PHF19: variants seen among roughly 807,000 people sequenced by gnomAD.
The protein encoded by PHF19 is polycomb like 3.
PHF19 carries 21 observed loss-of-function variants against 79.8 expected under a neutral mutation model. That is an observed-to-expected ratio of 0.26 (90% CI 0.19 to 0.38). The LOEUF is 0.38. Among genes scored for constraint, PHF19 ranks in the 10% least tolerant of loss-of-function variants. PHF19 has a pLI of 1.00. For synonymous variants in PHF19, 273 were observed against 296.3 expected (o/e 0.92, Z 0.81); for missense variants, 445 against 744.2 (o/e 0.60, Z 4.68).
intron 1 of PHF19, among the ~76,000 whole-genome samples, chr9:120,883,017 G>T (rs1366353951): frequency 2.6e-5 from 4 of 152,108 alleles, no homozygotes; most frequent in Non-Finnish European, 5.9e-5. Context: ...CAGCATGGAG[G>T]TGTAGAGAGT....
At chr9:120,884,247 T>G (rs939834989) in intron 1 of PHF19, among the ~76,000 whole-genome samples, 1 of 152,232 alleles carries the variant, frequency 6.6e-6, no homozygotes, top group Non-Finnish European at 1.5e-5. Flanking sequence ...TATAGTTAAT[T>G]AAAGATACCT....
In PHF19 at chr9:120,866,747, G is replaced by A. The variant is rs574860133; in HGVS notation, c.710+123C>T. The A allele has an allele frequency of 7.7e-5, 51 of 661,650 alleles. No homozygotes were observed. The highest frequency in any genetic ancestry group is 1.8e-4 in the Admixed American group (8 of 44,018). 41.0% of individuals were successfully genotyped at this position (661,650 alleles called of 1,614,324 possible). On this transcript the variant is annotated intron_variant, in intron 7 of 14. Coordinates refer to ENST00000373896, the MANE Select transcript of PHF19 (RefSeq NM_015651.3). The surrounding 1 kb of genome is among the most constrained non-coding windows in gnomAD (Gnocchi z 5.2). The stretch of plus-strand genomic sequence containing the variant: ...TGAGCTGCCTCCAGTAAACAGGTAG[G>A]CATACATTGTCACAGACCTCCTCTT...
intron 3 of PHF19, among the ~76,000 whole-genome samples, chr9:120,873,632 C>T (rs1213527843): frequency 6.6e-6 from 1 of 152,220 alleles, no homozygotes; most frequent in Non-Finnish European, 1.5e-5. Flanking sequence ...CTTTTCTAGC[C>T]CAGACTGACG....
rs1046405863 is a variant in PHF19, at chr9:120,862,258, G to GC, written c.1131-254dup. On this transcript the variant is annotated intron_variant, in intron 11 of 14. Transcript: ENST00000373896. The surrounding 1 kb of genome is among the most constrained non-coding windows in gnomAD (Gnocchi z 4.6). Reference sequence around the variant, plus strand: ...CCAGGCACATGCATCCAGATGCCCTGCCCCCCAGTGCCAGGATGAGGGGGC... The same window carrying GC: ...CCAGGCACATGCATCCAGATGCCCTGCCCCCCCAGTGCCAGGATGAGGGGGC... 5.9e-5 allele frequency among the ~76,000 whole-genome samples: 9 copies of GC among 152,178 alleles called. No individual in the cohort carries two copies. The highest frequency in any genetic ancestry group is 1.3e-4 in the Non-Finnish European group (9 of 68,032).
chr9:120,861,804 T>A lies in PHF19; in HGVS notation c.1218+114A>T, dbSNP rs190498442. ...TAGCTGTAATAGGGACTGGCTTCTT[T>A]AAGGGACATGAGAGAGTCCTCTGGG... On this transcript the variant is annotated intron_variant, in intron 12 of 14. Transcript: ENST00000373896. 58 of 780,698 alleles carry A rather than the reference T, an allele frequency of 7.4e-5. No individual in the cohort carries two copies. In the East Asian group the frequency reaches 1.4e-3, roughly 18 times the overall value. The allele number at this position is 780,698 out of a possible 1,614,324, so 48.4% of individuals were successfully genotyped here.
In PHF19 at chr9:120,860,107, G is replaced by A. The variant is rs1420267420; in HGVS notation, c.1383C>T (p.Ser461=). ...AASTSGSAST[S]LSYDSRWTVG... ...AAGCTCACCTGGAGTCATAGGAGAG[G>A]CTGGTGGAGGCAGAGCCAGAGGTGC... Residue 461 remains serine (S), a synonymous_variant, in exon 14 of 15, where the codon AGC becomes AGT. Coordinates refer to ENST00000373896, the MANE Select transcript of PHF19 (RefSeq NM_015651.3). This position sits in a 1 kb window ranked among gnomAD's most constrained non-coding sequence, Gnocchi z 4.1. The A allele has an allele frequency of 6.3e-7, 1 of 1,589,390 alleles. No homozygotes were observed. Among genetic ancestry groups the A allele is most frequent in the Non-Finnish European group, 8.6e-7 (1 of 1,164,126 alleles).
rs79701340 is a variant in PHF19 at position 120,889,573 on chromosome 9, T to C, written c.42+5215A>G. The stretch of plus-strand genomic sequence containing the variant: ...CTGGGCCACATGGCGAAACCCTGCC[T>C]CTACGAAAAATTAAAAAATTAGCCT... On this transcript the variant is annotated intron_variant, in intron 1 of 14. Coordinates refer to the PHF19 transcript ENST00000616568. 9.2e-4 allele frequency among the ~76,000 whole-genome samples: 140 copies of C among 151,728 alleles called. 2 individuals carry two copies. In the East Asian group the frequency reaches 0.027, roughly 29 times the overall value.
rs759656370 is a variant in PHF19, at chr9:120,866,048, G to A, written c.759C>T (p.Ile253=). The A allele has an allele frequency of 2.0e-5, 32 of 1,613,694 alleles. No individual in the cohort carries two copies. Among genetic ancestry groups the A allele is most frequent in the Non-Finnish European group, 2.6e-5 (31 of 1,179,790 alleles). ...CTCACCATCGCAGGGGCAGCCTCTCGATGTACTCTGGGCCCTGGTTACACA... is the reference window on the plus strand; with the variant it reads ...CTCACCATCGCAGGGGCAGCCTCTCAATGTACTCTGGGCCCTGGTTACACA... ...CSVCNQGPEY[I]ERLPLRWVDV... Residue 253 remains isoleucine (I), a synonymous_variant, in exon 8 of 15, where the codon ATC becomes ATT. Transcript: ENST00000373896. The surrounding 1 kb of genome is among the most constrained non-coding windows in gnomAD (Gnocchi z 5.2).
rs1295604018 is a variant in PHF19, at chr9:120,873,842, AC to A, written c.268+136del. 45 of 635,950 alleles carry A rather than the reference AC, an allele frequency of 7.1e-5. 1 individual carries two copies. Among genetic ancestry groups the A allele is most frequent in the South Asian group, 4.8e-4 (26 of 54,076 alleles). The allele number at this position is 635,950 out of a possible 1,614,324, so 39.4% of individuals were successfully genotyped here. A position where few individuals can be genotyped will look rare whatever the true frequency, so the allele number is the denominator to read the frequency against. On this transcript the variant is annotated intron_variant, in intron 3 of 14. Coordinates refer to ENST00000373896, the MANE Select transcript of PHF19 (RefSeq NM_015651.3). Reference sequence around the variant, plus strand: ...TATACAACCAGATTTGATCATCATCACAGGTGGGCTTGGGGTTCATGGTCAA... The same window carrying A: ...TATACAACCAGATTTGATCATCATCAAGGTGGGCTTGGGGTTCATGGTCAA...
At chr9:120,900,529 CT>C in the PHF19 span, among the ~76,000 whole-genome samples, 1 of 152,090 alleles carries the variant, frequency 6.6e-6, no homozygotes, top group Non-Finnish European at 1.5e-5. Flanking sequence ...GTGATTTTTG[CT>C]TTCTTCTCTA....
chr9:120,863,961 G>A, intron 10 of PHF19, 88 bp downstream of exon 10: 1 of 1,043,036 alleles, frequency 9.6e-7, no homozygotes, highest in East Asian at 2.6e-5. Flanking sequence ...AGAGAGGCAG[G>A]GAGCATAGCC....
intron 1 of PHF19, among the ~76,000 whole-genome samples, chr9:120,884,513 G>A (rs2046236523): frequency 6.6e-6 from 1 of 152,208 alleles, no homozygotes; most frequent in Non-Finnish European, 1.5e-5. Context: ...ATAGCCAGAG[G>A]AGAGCAAATA....
rs2045556013 is a variant in PHF19, at chr9:120,862,321, C to T, written c.1130+267G>A. On this transcript the variant is annotated intron_variant, in intron 11 of 14. Transcript: ENST00000373896. This position sits in a 1 kb window ranked among gnomAD's most constrained non-coding sequence, Gnocchi z 4.6. ...GGAGAGAGAGGGACCCCTCACACAC[C>T]CTGCCTTCCCCTTCACCTCCTTGCC... 6.6e-6 allele frequency among the ~76,000 whole-genome samples: 1 copy of T among 152,216 alleles called. No individual in the cohort carries two copies. The highest frequency in any genetic ancestry group is 6.5e-5 in the Admixed American group (1 of 15,286).
intron 3 of PHF19, among the ~76,000 whole-genome samples, chr9:120,872,060 A>AG (rs1415674522): frequency 5.3e-5 from 8 of 150,336 alleles, no homozygotes; most frequent in African/African-American, 1.7e-4. Flanking sequence ...AAAAAAAAAA[A>AG]AAAAAAAAGA....
chr9:120,864,201 T>G, intron 9 of PHF19, 85 bp from the exon 10 acceptor site: 1 of 1,114,618 alleles, frequency 9.0e-7, no homozygotes, highest in Non-Finnish European at 1.3e-6. Flanking sequence ...CCCTTCCATC[T>G]CCTGATGCTT....
chr9:120,863,648 G>C (rs1236244281), intron 10 of PHF19, among the ~76,000 whole-genome samples: 1 of 152,104 alleles, frequency 6.6e-6, no homozygotes, highest in Non-Finnish European at 1.5e-5. Flanking sequence ...GGTGTAGTGA[G>C]GGACATGGCC....
rs927182661 is a variant in PHF19 at position 120,856,411 on chromosome 9, T to A, written c.*1533A>T. ...AGTGCCTCTTGCTGTACTACCACCTTCGCCTTCCTGCTGGCGGCCTGCAAA... is the reference window on the plus strand; with the variant it reads ...AGTGCCTCTTGCTGTACTACCACCTACGCCTTCCTGCTGGCGGCCTGCAAA... On this transcript the variant is annotated 3_prime_UTR_variant, in exon 15 of 15. Transcript: ENST00000373896. The A allele has an allele frequency of 2.0e-5, 3 of 152,532 alleles. No homozygotes were observed. Among genetic ancestry groups the A allele is most frequent in the African/African-American group, 7.2e-5 (3 of 41,468 alleles). The allele number at this position is 152,532 out of a possible 1,614,324, so 9.4% of individuals were successfully genotyped here. A position where few individuals can be genotyped will look rare whatever the true frequency, so the allele number is the denominator to read the frequency against.
At chr9:120,900,973 A>G in the PHF19 span, among the ~76,000 whole-genome samples, 1 of 152,220 alleles carries the variant, frequency 6.6e-6, no homozygotes, top group Non-Finnish European at 1.5e-5. Flanking sequence ...TTGCCTGTGG[A>G]CACCCGTGAG....
chr9:120,867,807 T>C (rs2045747699), intron 6 of PHF19, among the ~76,000 whole-genome samples: 1 of 152,218 alleles, frequency 6.6e-6, no homozygotes, highest in Non-Finnish European at 1.5e-5. Flanking sequence ...GATTCAGGAC[T>C]TCAGGGGGTC....
Sources: gnomAD v4.1 joint callset for allele counts (sites outside exome capture counted in the v4.1 genomes callset) on GRCh38, gnomAD v4.1.1 for gene constraint, Gnocchi (gnomAD v3.1) non-coding constraint, MANE v1.5 for transcripts, NCBI Gene and HGNC (gene_info 2026-07-23, HGNC 2026-07-21) for gene names.